The following RAP1GAP2 variants were observed in gnomAD, a reference collection of about 807,000 sequenced individuals.
RAP1GAP2 encodes RAP1 GTPase activating protein 2, also known as rap1 GTPase-activating protein 2.
RAP1GAP2 carries 27 observed loss-of-function variants against 95.0 expected under a neutral mutation model. The observed-to-expected ratio is 0.28, with a 90% CI of 0.21 to 0.39. The LOEUF is 0.39. Ranked by LOEUF, RAP1GAP2 falls within the 10% of genes least tolerant of loss-of-function variation. RAP1GAP2 has a pLI of 1.00. For synonymous variants in RAP1GAP2, 373 were observed against 380.9 expected (o/e 0.98, Z 0.24); for missense variants, 771 against 970.0 (o/e 0.79, Z 2.72).
intron 10 of RAP1GAP2, among the ~76,000 whole-genome samples, chr17:2,982,909 G>A (rs1023065220): frequency 2.0e-5 from 3 of 152,226 alleles, no homozygotes. Flanking sequence ...TGAGATGCAC[G>A]CATGTGTGTG....
At chr17:2,956,440 G>T (rs1418188746) in intron 3 of RAP1GAP2, among the ~76,000 whole-genome samples, 1 of 152,230 alleles carries the variant, frequency 6.6e-6, no homozygotes, top group Non-Finnish European at 1.5e-5. Context: ...AATTCTGGGA[G>T]CAGTGGGAGC....
intron 11 of RAP1GAP2, among the ~76,000 whole-genome samples, chr17:2,985,272 C>T (rs996956357): frequency 1.1e-5 from 1 of 93,454 alleles, no homozygotes; most frequent in African/African-American, 4.6e-5. Context: ...CGTCCTTAAA[C>T]AGTGATGTTT....
At chr17:2,832,343 G>A (rs1475365424) in intron 2 of RAP1GAP2, among the ~76,000 whole-genome samples, 2 of 151,196 alleles carry the variant, frequency 1.3e-5, no homozygotes, top group South Asian at 2.1e-4. Flanking sequence ...TGGATCACGA[G>A]GTCAGGAGAT....
chr17:3,021,018 C>T (rs1597893197), intron 19 of RAP1GAP2, among the ~76,000 whole-genome samples: 1 of 152,124 alleles, frequency 6.6e-6, no homozygotes, highest in Non-Finnish European at 1.5e-5. Context: ...TTACATTGAA[C>T]CTGTTCTTGG....
At chr17:2,897,573 T>C (rs2041878019) in intron 2 of RAP1GAP2, among the ~76,000 whole-genome samples, 1 of 152,066 alleles carries the variant, frequency 6.6e-6, no homozygotes, top group Admixed American at 6.6e-5. Flanking sequence ...TTGGCCAGGC[T>C]GGTCTCGAAC....
Position 3,030,978 on chromosome 17 carries a change from A to T in RAP1GAP2, c.2164A>T (p.Ser722Cys), listed in dbSNP as rs2047271587. The T allele has an allele frequency of 6.2e-7, 1 of 1,609,174 alleles. No individual in the cohort carries two copies. Among genetic ancestry groups the T allele is most frequent in the Non-Finnish European group, 8.5e-7 (1 of 1,177,816 alleles). The change falls in exon 23 of 25, where the codon AGC becomes TGC. Residue 722 changes from serine to cysteine, a missense_variant. Physicochemically the swap from Ser to Cys is moderately radical, Grantham distance 112. Coordinates refer to ENST00000254695, the MANE Select transcript of RAP1GAP2 (RefSeq NM_015085.5). ...CCTGAAATTCCGCTTTGACAAGCTC[A>T]GCCATGCCAGCTCTGGTGCGGTAAG... Reference protein sequence around the residue: ...SNLKFRFDKLSHASSGAGH With the variant: ...SNLKFRFDKLCHASSGAGH
intron 2 of RAP1GAP2, among the ~76,000 whole-genome samples, chr17:2,877,254 T>G (rs1343373802): frequency 6.6e-6 from 1 of 152,152 alleles, no homozygotes; most frequent in East Asian, 1.9e-4. Context: ...CCATGATGCA[T>G]CCAGAGACGG....
At position 3,027,746 on chromosome 17, in the gene RAP1GAP2, G is replaced by A. The variant is rs56374150; in HGVS notation, c.2107+676G>A. Among the ~76,000 whole-genome samples the A allele has an allele frequency of 0.4, 56,745 of 141,304 alleles. 11,686 individuals carry two copies. The highest frequency in any genetic ancestry group is 0.56 in the East Asian group (2,614 of 4,628). 92.7% of individuals were successfully genotyped at this position (141,304 alleles called of 152,430 possible). ...TTGGCTGCTGCAGCTGCTGAGTGTA[G>A]AATGGATTAGTAGAGAGCAGGAGCA... On this transcript the variant is annotated intron_variant, in intron 22 of 24. Coordinates refer to ENST00000254695, the MANE Select transcript of RAP1GAP2 (RefSeq NM_015085.5). This position sits in a 1 kb window ranked among gnomAD's most constrained non-coding sequence, Gnocchi z 5.2.
At chr17:2,892,078 C>T (rs1287388622) in intron 2 of RAP1GAP2, among the ~76,000 whole-genome samples, 76 of 152,082 alleles carry the variant, frequency 5.0e-4, no homozygotes, top group Admixed American at 8.5e-4. Context: ...CCTGTCTCGA[C>T]CTCCCAAAGT....
At chr17:2,918,000 G>A (rs918810151) in intron 3 of RAP1GAP2, among the ~76,000 whole-genome samples, 12 of 150,010 alleles carry the variant, frequency 8.0e-5, no homozygotes, top group Admixed American at 1.3e-4. Context: ...ACAGGCATAA[G>A]CCACTGCACC....
intron 2 of RAP1GAP2, among the ~76,000 whole-genome samples, chr17:2,815,354 G>A (rs999634131): frequency 1.3e-4 from 20 of 152,086 alleles, no homozygotes; most frequent in African/African-American, 4.6e-4. Flanking sequence ...CCTGCACGTG[G>A]GTGCGCTTGT....
At chr17:2,999,887 G>A (rs2046096015) in intron 14 of RAP1GAP2, among the ~76,000 whole-genome samples, 1 of 152,160 alleles carries the variant, frequency 6.6e-6, no homozygotes, top group Non-Finnish European at 1.5e-5. Context: ...CCAGGCTCAT[G>A]TGTCCCTGCC....
rs541384607 is a variant in RAP1GAP2, at chr17:2,801,046, C to T, written c.80+496C>T. On this transcript the variant is annotated intron_variant, in intron 2 of 24. Transcript: ENST00000254695. Reference sequence around the variant, plus strand: ...TGTATTTTTAGTAGAGACGGAGTTTCACCATGTTGGCCAGGCTGGTCTCAA... The same window carrying T: ...TGTATTTTTAGTAGAGACGGAGTTTTACCATGTTGGCCAGGCTGGTCTCAA... Among the ~76,000 whole-genome samples, 54 of 151,076 alleles carry T rather than the reference C, an allele frequency of 3.6e-4. No individual in the cohort carries two copies. The Middle Eastern group carries it at 0.017, about 48-fold the overall frequency.
At chr17:2,974,495 T>C (rs9915987) in intron 8 of RAP1GAP2, among the ~76,000 whole-genome samples, 30,276 of 152,044 alleles carry the variant, frequency 0.2, 3,150 homozygotes, top group Middle Eastern at 0.22. Flanking sequence ...AAGGATACAC[T>C]TCAGTCAAAA....
chr17:2,973,291 G>C (rs1420359769), intron 8 of RAP1GAP2, among the ~76,000 whole-genome samples: 9 of 152,128 alleles, frequency 5.9e-5, no homozygotes, highest in Admixed American at 5.9e-4. Flanking sequence ...CAAGGCAGGT[G>C]GATCACCTGA....
intron 3 of RAP1GAP2, among the ~76,000 whole-genome samples, chr17:2,942,659 T>C (rs1316016330): frequency 1.3e-5 from 2 of 152,178 alleles, no homozygotes; most frequent in African/African-American, 4.8e-5. Context: ...TTTAAAAAAA[T>C]TGGTGAAATT....
Position 2,974,067 on chromosome 17 carries a change from C to T in RAP1GAP2, c.597-6220C>T, listed in dbSNP as rs1156312924. Among the ~76,000 whole-genome samples, 16 of 151,868 alleles carry T rather than the reference C, an allele frequency of 1.1e-4. No individual in the cohort carries two copies. The East Asian group carries it at 1.5e-3, about 15-fold the overall frequency. On this transcript the variant is annotated intron_variant, in intron 8 of 24. Coordinates refer to ENST00000254695, the MANE Select transcript of RAP1GAP2 (RefSeq NM_015085.5). ...TTAAAAAAAGAAAGAAGGGGCCGGG[C>T]GTGGTGTCTCATGCCTGTAATCCCA...
chr17:2,846,106 C>A (rs985090357), intron 2 of RAP1GAP2, among the ~76,000 whole-genome samples: 1 of 151,628 alleles, frequency 6.6e-6, no homozygotes, highest in African/African-American at 2.4e-5. Flanking sequence ...TTGCTTGAAC[C>A]CGGGAGGTGG....
intron 2 of RAP1GAP2, among the ~76,000 whole-genome samples, chr17:2,865,819 C>G (rs922806259): frequency 2.6e-5 from 4 of 152,192 alleles, no homozygotes; most frequent in African/African-American, 9.6e-5. Context: ...CCCCAGCCCC[C>G]TTCTAGAAAG....
Sources: allele counts gnomAD v4.1 joint callset (sites outside exome capture counted in the v4.1 genomes callset), GRCh38; gene constraint gnomAD v4.1.1; non-coding constraint Gnocchi (gnomAD v3.1); transcripts MANE v1.5; gene names NCBI Gene and HGNC (gene_info 2026-07-23, HGNC 2026-07-21).